The following NPAS3 variants were observed in gnomAD, a reference collection of about 807,000 sequenced individuals.
NPAS3 encodes the protein neuronal PAS domain-containing protein 3.
NPAS3 carries 14 observed loss-of-function variants against 73.1 expected under a neutral mutation model. That is an observed-to-expected ratio of 0.19 (90% confidence interval 0.13 to 0.30). NPAS3 has a LOEUF of 0.30. Among genes scored for constraint, NPAS3 ranks in the 10% least tolerant of loss-of-function variants. The probability of loss-of-function intolerance (pLI) is 1.00; values close to 1 mark genes in which losing one functional copy is unlikely to be tolerated. For missense variants in NPAS3, 1,096 were observed against 1,250.0 expected (o/e 0.88, Z 1.86); for synonymous variants, 620 against 541.5 (o/e 1.14, Z -2.01).
At chr14:33,746,791 T>G (rs2061814032) in intron 7 of NPAS3, among the ~76,000 whole-genome samples, 1 of 152,082 alleles carries the variant, frequency 6.6e-6, no homozygotes, top group Admixed American at 6.5e-5. Flanking sequence ...ATGTGCACAT[T>G]GTGCAGGTTA....
intron 5 of NPAS3, among the ~76,000 whole-genome samples, chr14:33,572,671 T>C (rs2056264655): frequency 1.3e-5 from 2 of 152,128 alleles, no homozygotes; most frequent in South Asian, 4.1e-4. Flanking sequence ...AATTATTCGT[T>C]TTATGTGTTA....
chr14:33,544,523 T>G (rs2054690033), intron 4 of NPAS3, among the ~76,000 whole-genome samples: 1 of 151,640 alleles, frequency 6.6e-6, no homozygotes, highest in Admixed American at 6.6e-5. Context: ...GCGCTCTCAC[T>G]ATGTCTGTCT....
At chr14:33,213,634 T>C (rs1386124715) in intron 2 of NPAS3, 1 of 152,186 alleles carries the variant, frequency 6.6e-6, no homozygotes, top group Non-Finnish European at 1.5e-5. Flanking sequence ...AAATTAGTAA[T>C]GTTTCTGCCT....
intron 5 of NPAS3, among the ~76,000 whole-genome samples, chr14:33,589,649 T>A (rs1478146024): frequency 2.0e-5 from 3 of 152,134 alleles, no homozygotes; most frequent in African/African-American, 7.2e-5. Flanking sequence ...ACTATAAAGT[T>A]TTTTATTGTT....
intron 4 of NPAS3, among the ~76,000 whole-genome samples, chr14:33,409,726 A>T: frequency 6.6e-6 from 1 of 152,314 alleles, no homozygotes; most frequent in Non-Finnish European, 1.5e-5. Flanking sequence ...GCTTTCTTCA[A>T]TTGAATACTA....
intron 4 of NPAS3, among the ~76,000 whole-genome samples, chr14:33,369,659 A>C (rs1487909840): frequency 6.6e-6 from 1 of 152,134 alleles, no homozygotes; most frequent in African/African-American, 2.4e-5. Context: ...TTGCCACAGA[A>C]ACTAGAACTT....
At chr14:33,062,398 C>T (rs1274564095) in intron 2 of NPAS3, among the ~76,000 whole-genome samples, 3 of 152,012 alleles carry the variant, frequency 2.0e-5, no homozygotes, top group East Asian at 1.9e-4. Context: ...ATGTGAAATC[C>T]GGTTCAGGAT....
At chr14:33,180,490 A>T (rs1222850178) in intron 2 of NPAS3, among the ~76,000 whole-genome samples, 2 of 152,116 alleles carry the variant, frequency 1.3e-5, no homozygotes, top group African/African-American at 4.8e-5. Context: ...ATCGTTCATG[A>T]TTTAATACTT....
At chr14:33,245,293 G>A (rs574567629) in intron 3 of NPAS3, among the ~76,000 whole-genome samples, 1 of 152,210 alleles carries the variant, frequency 6.6e-6, no homozygotes, top group Admixed American at 6.5e-5. Flanking sequence ...GAGTATTTCT[G>A]TGTGCCAGGT....
At chr14:33,133,300 C>T (rs1245724445) in intron 2 of NPAS3, among the ~76,000 whole-genome samples, 1 of 152,128 alleles carries the variant, frequency 6.6e-6, no homozygotes, top group African/African-American at 2.4e-5. Flanking sequence ...TCTTAAGGCA[C>T]ATCTGACAGT....
intron 2 of NPAS3, among the ~76,000 whole-genome samples, chr14:33,116,843 T>G (rs2043081236): frequency 6.6e-6 from 1 of 151,770 alleles, no homozygotes; most frequent in Non-Finnish European, 1.5e-5. Context: ...AGTCACATGG[T>G]CACATTCAGT....
chr14:33,528,221 C>T (rs1008846761), intron 4 of NPAS3, among the ~76,000 whole-genome samples: 2 of 151,966 alleles, frequency 1.3e-5, no homozygotes, highest in South Asian at 2.1e-4. Flanking sequence ...AATGTGCCCA[C>T]CCCACTGATA....
At chr14:33,157,600 GA>G (rs990133691) in intron 2 of NPAS3, among the ~76,000 whole-genome samples, 1 of 151,830 alleles carries the variant, frequency 6.6e-6, no homozygotes, top group Non-Finnish European at 1.5e-5. Flanking sequence ...TCAAGAAAGA[GA>G]AAAAAAATTA....
At position 33,473,083 on chromosome 14, in the gene NPAS3, G is replaced by A. The variant is rs78087056; in HGVS notation, c.469-87038G>A. The stretch of plus-strand genomic sequence containing the variant: ...AATATGAGGGTAAGATAGTGATTTC[G>A]CAGAGTAAAAGAGAGATTTTGCAGA... On this transcript the variant is annotated intron_variant, in intron 4 of 11. Transcript: ENST00000356141. Among the ~76,000 whole-genome samples, 311 of 152,158 alleles carry A rather than the reference G, an allele frequency of 2.0e-3. 12 individuals carry two copies. The highest frequency in any genetic ancestry group is 6.9e-3 in the African/African-American group (287 of 41,500).
At chr14:33,802,376 T>TAAAAAAAAAAAAAAAGAAAAAAAAAA (rs1434018329), downstream of NPAS3, 1 of 95,726 alleles carries the variant, frequency 1.0e-5, no homozygotes. Context: ...GCACATTAAG[T>TAAAAAAAAAAAAAAAGAAAAAAAAAA]AAAAAAAAAA....
At chr14:33,685,024 T>C (rs544239201) in intron 6 of NPAS3, among the ~76,000 whole-genome samples, 2 of 152,374 alleles carry the variant, frequency 1.3e-5, no homozygotes, top group East Asian at 3.9e-4. Context: ...ATCTTTTCTC[T>C]AGTTGTTATT....
At chr14:33,632,441 A>C (rs1251230225) in intron 5 of NPAS3, among the ~76,000 whole-genome samples, 1 of 152,202 alleles carries the variant, frequency 6.6e-6, no homozygotes, top group Non-Finnish European at 1.5e-5. Context: ...AGACACTCAG[A>C]GCACACTGTG....
At chr14:33,246,122 C>A (rs996249820) in intron 3 of NPAS3, among the ~76,000 whole-genome samples, 1 of 152,072 alleles carries the variant, frequency 6.6e-6, no homozygotes. Context: ...TTATGATATG[C>A]CTCGAGCCTC....
chr14:33,165,182 G>A (rs1489701109), intron 2 of NPAS3, among the ~76,000 whole-genome samples: 1 of 151,980 alleles, frequency 6.6e-6, no homozygotes, highest in Non-Finnish European at 1.5e-5. Flanking sequence ...GAAAGCACTG[G>A]GTGATTTATT....
Sources: gnomAD v4.1 joint callset for allele counts (sites outside exome capture counted in the v4.1 genomes callset) on GRCh38, gnomAD v4.1.1 for gene constraint, MANE v1.5 for transcripts, NCBI Gene and HGNC (gene_info 2026-07-23, HGNC 2026-07-21) for gene names.